The following DDO variants were observed in gnomAD, a reference collection of about 807,000 sequenced individuals.
DDO encodes D-aspartate oxidase.
DDO carries 16 observed loss-of-function variants against 16.8 expected under a neutral mutation model. The ratio of observed to expected loss-of-function variants is 0.95; its 90% CI spans 0.65 to 1.45. The LOEUF (loss-of-function observed/expected upper bound fraction) is 1.45, where lower values mean the gene tolerates loss of function less well. Ranked by LOEUF, DDO falls within the 40% of genes most tolerant of loss-of-function variation. The pLI, the probability that DDO is intolerant of heterozygous loss-of-function variation, is 0.00. For missense variants in DDO, 429 were observed against 420.3 expected (o/e 1.02, Z -0.18); for synonymous variants, 180 against 167.2 (o/e 1.08, Z -0.59).
At chr6:110,389,467 G>C (rs1039758900), downstream of DDO, among the ~76,000 whole-genome samples, 5 of 152,184 alleles carry the variant, frequency 3.3e-5, no homozygotes, top group South Asian at 1.0e-3. Flanking sequence ...AAATGCAAAG[G>C]CTATTTCTTT....
At chr6:110,388,690 A>G (rs541426554), downstream of DDO, 1 of 539,820 alleles carries the variant, frequency 1.9e-6, no homozygotes, top group African/African-American at 2.1e-5. Flanking sequence ...CACGCTGGCA[A>G]TGACAGGGCT....
intron 2 of DDO, among the ~76,000 whole-genome samples, chr6:110,411,462 A>G (rs2114841535): frequency 6.6e-6 from 1 of 152,360 alleles, no homozygotes; most frequent in East Asian, 1.9e-4. Flanking sequence ...TGTTATTAGT[A>G]TCTTCATAAA....
At chr6:110,388,727 C>T, downstream of DDO, 2 of 895,566 alleles carry the variant, frequency 2.2e-6, no homozygotes, top group South Asian at 1.0e-4. Flanking sequence ...CTCTGGGTCA[C>T]AGACACAGCA....
At chr6:110,405,779 T>C (rs538474202) in intron 3 of DDO, among the ~76,000 whole-genome samples, 2 of 152,228 alleles carry the variant, frequency 1.3e-5, no homozygotes, top group Non-Finnish European at 2.9e-5. Context: ...GGCACAAGCC[T>C]GTAGTCCCAG....
At chr6:110,405,029 T>C in intron 3 of DDO, 79 bp from the exon 4 acceptor site, 2 of 1,332,088 alleles carry the variant, frequency 1.5e-6, no homozygotes, top group East Asian at 4.7e-5. Context: ...TGACATTCTC[T>C]AGAGCATTTA....
chr6:110,396,270 G>T (rs60682012), intron 4 of DDO, among the ~76,000 whole-genome samples: 6,299 of 152,276 alleles, frequency 0.041, 390 homozygotes, highest in African/African-American at 0.14. Flanking sequence ...CCTCTGCAGA[G>T]ACCTCTGAAG....
intron 3 of DDO, among the ~76,000 whole-genome samples, chr6:110,407,300 C>T (rs1450358752): frequency 1.3e-5 from 2 of 152,172 alleles, no homozygotes; most frequent in Admixed American, 1.3e-4. Context: ...GGCTCATCAA[C>T]TGGCTCCAGA....
chr6:110,409,792 T>TC, intron 2 of DDO, among the ~76,000 whole-genome samples: 1 of 152,210 alleles, frequency 6.6e-6, no homozygotes, highest in African/African-American at 2.4e-5. Flanking sequence ...TGTGAGGTTG[T>TC]ATTAAAATGC....
At position 110,392,728 on chromosome 6, in the gene DDO, G is replaced by A; in HGVS notation, c.*47C>T. On this transcript the variant is annotated 3_prime_UTR_variant, in exon 5 of 5. Coordinates refer to ENST00000368924, the MANE Select transcript of DDO (RefSeq NM_001372108.2). ...GAAAAGTTATTTGAACCTGTTCTGTGCTTTGATCAACAGTCTCTCAGTCTC... is the reference window on the plus strand; with the variant it reads ...GAAAAGTTATTTGAACCTGTTCTGTACTTTGATCAACAGTCTCTCAGTCTC... The A allele has an allele frequency of 6.7e-7, 1 of 1,497,468 alleles. No homozygotes were observed. Among genetic ancestry groups the A allele is most frequent in the Non-Finnish European group, 8.9e-7 (1 of 1,127,334 alleles). 92.8% of individuals were successfully genotyped at this position (1,497,468 alleles called of 1,614,324 possible).
At position 110,415,513 on chromosome 6, in the gene DDO, C is replaced by A; in HGVS notation, c.-51G>T. 6.2e-7 allele frequency: 1 copy of A among 1,614,218 alleles called. No individual in the cohort carries two copies. Among genetic ancestry groups the A allele is most frequent in the Non-Finnish European group, 8.5e-7 (1 of 1,180,042 alleles). Reference sequence around the variant, plus strand: ...TGGAAGCCACCAAAATCTCTGGCACCAAACCTTGTTTCCCAGTGCCTGGCT... The same window carrying A: ...TGGAAGCCACCAAAATCTCTGGCACAAAACCTTGTTTCCCAGTGCCTGGCT... On this transcript the variant is annotated 5_prime_UTR_variant, in exon 1 of 5. Coordinates refer to ENST00000368924, the MANE Select transcript of DDO (RefSeq NM_001372108.2).
chr6:110,389,845 T>G (rs1020307879), downstream of DDO, among the ~76,000 whole-genome samples: 3 of 152,250 alleles, frequency 2.0e-5, no homozygotes, highest in African/African-American at 7.2e-5. Context: ...CCTGCAAGTC[T>G]GATATACTTG....
intron 4 of DDO, among the ~76,000 whole-genome samples, chr6:110,396,773 T>G (rs896988057): frequency 6.6e-6 from 1 of 152,352 alleles, no homozygotes; most frequent in Non-Finnish European, 1.5e-5. Flanking sequence ...GCAAATTTTA[T>G]GGGGACAGAT....
rs78691332 is a variant in DDO at position 110,414,455 on chromosome 6, A to T, written c.-4-989T>A. Among the ~76,000 whole-genome samples, 478 of 152,332 alleles carry T rather than the reference A, an allele frequency of 3.1e-3. 3 individuals are homozygous for T. The highest frequency in any genetic ancestry group is 9.1e-3 in the South Asian group (44 of 4,826). The stretch of plus-strand genomic sequence containing the variant: ...GAGACCCAGTGAGGCGGTCTCATAA[A>T]GGGGGCTCCTTGGGAGAGTCTGAAT... On this transcript the variant is annotated intron_variant, in intron 1 of 4. Coordinates refer to ENST00000368924, the MANE Select transcript of DDO (RefSeq NM_001372108.2).
At position 110,404,793 on chromosome 6, in the gene DDO, G is replaced by A; in HGVS notation, c.439C>T (p.Leu147Phe). 1 of 1,614,054 alleles carries A rather than the reference G, an allele frequency of 6.2e-7. No homozygotes were observed. The highest frequency in any genetic ancestry group is 8.5e-7 in the Non-Finnish European group (1 of 1,179,990). Residue 147 changes from leucine to phenylalanine, a missense_variant, in exon 4 of 5, where the codon CTC (leucine) becomes TTC (phenylalanine). Transcript: ENST00000368924. The part of the protein sequence containing the change: ...TTLKCECPAY[L>F]PWLEKRIKGS... ...ACTGACCTTTTCTCCAACCACGGGAGGTAGGCAGGGCATTCACATTTCAGG... is the reference window on the plus strand; with the variant it reads ...ACTGACCTTTTCTCCAACCACGGGAAGTAGGCAGGGCATTCACATTTCAGG...
Position 110,393,199 on chromosome 6 carries a change from C to G in DDO, c.602G>C (p.Gly201Ala). 1 of 1,614,266 alleles carries G rather than the reference C, an allele frequency of 6.2e-7. No individual in the cohort carries two copies. Among genetic ancestry groups the G allele is most frequent in the Non-Finnish European group, 8.5e-7 (1 of 1,180,050 alleles). ...GGGAGCCTGAACTTGGAGGACTTGGCCCCTTACAGGGAAAATCTTTGAGTC... is the reference window on the plus strand; with the variant it reads ...GGGAGCCTGAACTTGGAGGACTTGGGCCCTTACAGGGAAAATCTTTGAGTC... The part of the protein sequence containing the change: ...AGDSKIFPVR[G>A]QVLQVQAPWV... Residue 201 changes from glycine (G) to alanine (A), a missense_variant, in exon 5 of 5, where the codon GGC (glycine) becomes GCC (alanine). Physicochemically the swap from Gly to Ala is moderately conservative, Grantham distance 60. Coordinates refer to ENST00000368924, the MANE Select transcript of DDO (RefSeq NM_001372108.2).
At chr6:110,401,749 G>A (rs1397076580) in intron 4 of DDO, among the ~76,000 whole-genome samples, 1 of 152,158 alleles carries the variant, frequency 6.6e-6, no homozygotes, top group Non-Finnish European at 1.5e-5. Context: ...ATCATCAATG[G>A]ATGCTAAAAC....
chr6:110,389,302 T>C (rs1048279032), downstream of DDO, among the ~76,000 whole-genome samples: 1 of 152,232 alleles, frequency 6.6e-6, no homozygotes, highest in Admixed American at 6.5e-5. Flanking sequence ...TCAGCTCTCC[T>C]GGGCCTCCAG....
intron 4 of DDO, among the ~76,000 whole-genome samples, chr6:110,393,660 G>A (rs890726870): frequency 1.4e-4 from 21 of 152,154 alleles, no homozygotes; most frequent in Non-Finnish European, 2.6e-4. Flanking sequence ...AGTTGATTTG[G>A]TATTTTAAAT....
In DDO at chr6:110,392,223, C is replaced by T. The variant is rs916499427; in HGVS notation, c.*552G>A. The stretch of plus-strand genomic sequence containing the variant: ...TTATTTAGAGGAATTATGTTGCTGA[C>T]TTGGCTATAACCTAAGAAGATCACA... On this transcript the variant is annotated 3_prime_UTR_variant, in exon 5 of 5. Coordinates refer to ENST00000368924, the MANE Select transcript of DDO (RefSeq NM_001372108.2). 3.0e-6 allele frequency: 3 copies of T among 985,308 alleles called. No individual in the cohort carries two copies. In the African/African-American group the frequency reaches 5.2e-5, roughly 17 times the overall value. The allele number at this position is 985,308 out of a possible 1,614,324, so 61.0% of individuals were successfully genotyped here.
Sources: gnomAD v4.1 joint callset for allele counts (sites outside exome capture counted in the v4.1 genomes callset) on GRCh38, gnomAD v4.1.1 for gene constraint, MANE v1.5 for transcripts, NCBI Gene and HGNC (gene_info 2026-07-23, HGNC 2026-07-21) for gene names.